Variants in IL1RAPL1 observed in about 807,000 individuals in gnomAD.
The protein encoded by IL1RAPL1 is interleukin-1 receptor accessory protein-like 1.
Under a neutral mutation model 48.4 loss-of-function variants are expected in IL1RAPL1, and 3 were observed. The observed-to-expected ratio is 0.06, with a 90% CI of 0.03 to 0.16. The LOEUF (loss-of-function observed/expected upper bound fraction) is 0.16, where lower values mean the gene tolerates loss of function less well. Ranked by LOEUF, IL1RAPL1 falls within the 10% of genes least tolerant of loss-of-function variation. The pLI is 1.00. For synonymous variants in IL1RAPL1, 185 were observed against 187.7 expected (o/e 0.99, Z 0.12); for missense variants, 349 against 530.6 (o/e 0.66, Z 3.36).
chrX:29,485,257 A>G (rs1469508078), intron 5 of IL1RAPL1, among the ~76,000 whole-genome samples: 3 of 112,234 alleles, frequency 2.7e-5, no homozygotes, highest in Non-Finnish European at 5.6e-5. Flanking sequence ...CTTTGCCTAT[A>G]GTTTTATTAT....
At chrX:29,247,198 A>C (rs1931529986) in intron 2 of IL1RAPL1, among the ~76,000 whole-genome samples, 2 of 112,401 alleles carry the variant, frequency 1.8e-5, no homozygotes, top group South Asian at 7.3e-4. Flanking sequence ...CTTAAAATTA[A>C]AATCTGTACC....
At chrX:28,612,644 C>T (rs7058552) in intron 1 of IL1RAPL1, among the ~76,000 whole-genome samples, 9,958 of 111,675 alleles carry the variant, frequency 0.089, 388 homozygotes, top group African/African-American at 0.15. Flanking sequence ...TTATTACAAA[C>T]AGCTTTTAGC....
intron 1 of IL1RAPL1, among the ~76,000 whole-genome samples, chrX:28,623,184 A>T (rs1934302611): frequency 9.0e-6 from 1 of 110,855 alleles, no homozygotes; most frequent in Non-Finnish European, 1.9e-5. Flanking sequence ...GGGTTTCCTT[A>T]TATGGGTCAT....
At chrX:29,765,984 C>T (rs1313979771) in intron 6 of IL1RAPL1, among the ~76,000 whole-genome samples, 4 of 110,168 alleles carry the variant, frequency 3.6e-5, no homozygotes, top group Non-Finnish European at 7.6e-5. Context: ...CATGTGAAAC[C>T]AGAAACCACC....
At chrX:29,924,662 G>GGTTAT (rs1369197857) in intron 8 of IL1RAPL1, among the ~76,000 whole-genome samples, 1 of 54,562 alleles carries the variant, frequency 1.8e-5, no homozygotes, top group Admixed American at 2.3e-4. Flanking sequence ...TACTCTGAAG[G>GGTTAT]GTTATGTTTC....
At chrX:29,932,704 T>C (rs1315586010) in intron 8 of IL1RAPL1, among the ~76,000 whole-genome samples, 1 of 111,997 alleles carries the variant, frequency 8.9e-6, no homozygotes, top group East Asian at 2.8e-4. Context: ...ATACTTATAA[T>C]GTAGCATTTC....
At chrX:29,230,504 C>CAAAAAAAAAAAAAAAAAAAAAAAAAAAA (rs60539139) in intron 2 of IL1RAPL1, among the ~76,000 whole-genome samples, 1 of 16,593 alleles carries the variant, frequency 6.0e-5, no homozygotes, top group African/African-American at 2.9e-4. Flanking sequence ...GTCCCTTTAC[C>CAAAAAAAAAAAAAAAAAAAAAAAAAAAA]AAAAAAAAAA....
chrX:29,422,373 A>G (rs1934301147), intron 5 of IL1RAPL1, among the ~76,000 whole-genome samples: 1 of 111,250 alleles, frequency 9.0e-6, no homozygotes, highest in Non-Finnish European at 1.9e-5. Flanking sequence ...CTGCTTTTTC[A>G]GTTCAGCATG....
chrX:28,610,987 G>A (rs1236221546), intron 1 of IL1RAPL1, among the ~76,000 whole-genome samples: 1 of 110,996 alleles, frequency 9.0e-6, no homozygotes, highest in African/African-American at 3.3e-5. Flanking sequence ...GGATGACAGA[G>A]CATGCCAAAA....
intron 3 of IL1RAPL1, among the ~76,000 whole-genome samples, chrX:29,286,347 T>C (rs1317538431): frequency 9.0e-6 from 1 of 111,687 alleles, no homozygotes; most frequent in Non-Finnish European, 1.9e-5. Context: ...TTTTGTCTTA[T>C]TTTATGGCCA....
chrX:29,892,198 A>G (rs917855512), intron 6 of IL1RAPL1, among the ~76,000 whole-genome samples: 4 of 112,423 alleles, frequency 3.6e-5, no homozygotes, highest in Middle Eastern at 4.6e-3. Context: ...AATGTTAAGA[A>G]GAATATGTTA....
chrX:28,805,863 GTA>G (rs748936792), intron 2 of IL1RAPL1, among the ~76,000 whole-genome samples: 70 of 107,930 alleles, frequency 6.5e-4, no homozygotes, highest in Middle Eastern at 4.8e-3. Flanking sequence ...ATATATGTAT[GTA>G]TATATATATA....
intron 5 of IL1RAPL1, among the ~76,000 whole-genome samples, chrX:29,407,187 C>G: frequency 9.0e-6 from 1 of 111,589 alleles, no homozygotes; most frequent in Non-Finnish European, 1.9e-5. Flanking sequence ...AAATAGAATA[C>G]TGTAGGCCCC....
intron 1 of IL1RAPL1, among the ~76,000 whole-genome samples, chrX:28,710,035 A>G (rs888843664): frequency 9.0e-6 from 1 of 111,693 alleles, no homozygotes; most frequent in African/African-American, 3.3e-5. Context: ...GATGCTTGTA[A>G]TTTATTGTAC....
intron 1 of IL1RAPL1, among the ~76,000 whole-genome samples, chrX:28,678,163 A>T (rs1267968488): frequency 1.8e-5 from 2 of 111,549 alleles, no homozygotes; most frequent in Non-Finnish European, 3.8e-5. Flanking sequence ...GGAGTTTGAG[A>T]GGGAAAAGGT....
chrX:29,539,037 C>A (rs7058772), intron 5 of IL1RAPL1, among the ~76,000 whole-genome samples: 1,888 of 111,011 alleles, frequency 0.017, 48 homozygotes, highest in African/African-American at 0.059. Flanking sequence ...GGAAGCATTC[C>A]TCCGTAACTC....
chrX:29,799,487 T>C (rs1443557512), intron 6 of IL1RAPL1, among the ~76,000 whole-genome samples: 1 of 112,503 alleles, frequency 8.9e-6, no homozygotes. Flanking sequence ...CAGAGAATAT[T>C]GGAAATGTGC....
chrX:29,932,784 T>A (rs1485894202), intron 8 of IL1RAPL1, among the ~76,000 whole-genome samples: 2 of 111,565 alleles, frequency 1.8e-5, no homozygotes, highest in African/African-American at 6.6e-5. Context: ...TATTATTATT[T>A]ATTATTATCT....
chrX:28,594,160 C>G (rs1933930548), intron 1 of IL1RAPL1, among the ~76,000 whole-genome samples: 1 of 111,319 alleles, frequency 9.0e-6, no homozygotes, highest in Non-Finnish European at 1.9e-5. Flanking sequence ...AGGCAAAATA[C>G]TTGCATTACA....
Sources: allele counts gnomAD v4.1 joint callset (sites outside exome capture counted in the v4.1 genomes callset), GRCh38; gene constraint gnomAD v4.1.1; transcripts MANE v1.5; gene names NCBI Gene and HGNC (gene_info 2026-07-23, HGNC 2026-07-21).